The following QARS1 variants were observed in gnomAD, a reference collection of about 807,000 sequenced individuals.
The protein encoded by QARS1 is glutamine--tRNA ligase.
Under a neutral mutation model 106.9 loss-of-function variants are expected in QARS1, and 79 were observed. The ratio of observed to expected loss-of-function variants is 0.74; its 90% CI spans 0.62 to 0.89. QARS1 has a LOEUF of 0.89. Among genes scored for constraint, QARS1 ranks in the 40% least tolerant of loss-of-function variants. QARS1 has a pLI of 0.00. For missense variants in QARS1, 966 were observed against 997.2 expected, an observed-to-expected ratio of 0.97 and a Z score of 0.42; for synonymous variants, 395 against 367.7, an observed-to-expected ratio of 1.07 and a Z score of -0.85.
Position 49,099,098 on chromosome 3 carries a change from A to G in QARS1, c.1758+12T>C, listed in dbSNP as rs2042432095. 6.2e-7 allele frequency: 1 copy of G among 1,614,012 alleles called. No homozygotes were observed. The highest frequency in any genetic ancestry group is 1.3e-5 in the African/African-American group (1 of 74,904). ...ACACACACATGTGACACACATGTTG[A>G]GGCAGGCCCACCTTGGCAGCAGGAA... On this transcript the variant is annotated intron_variant, in intron 18 of 23. Transcript: ENST00000306125.
In QARS1 at chr3:49,100,626, T is replaced by C. The variant is rs1483886839; in HGVS notation, c.925A>G (p.Lys309Glu). The C allele has an allele frequency of 1.9e-6, 3 of 1,611,960 alleles. No individual in the cohort carries two copies. Among genetic ancestry groups the C allele is most frequent in the Admixed American group, 1.7e-5 (1 of 60,026 alleles). ...FLRFDDTNPE[K>E]EEAKFFTAIC... ...GCCGTGAAGAACTTTGCTTCCTCCT[T>C]CTCAGGGTTGGTGTCATCAAAACGC... The change falls in exon 11 of 24, where the codon AAG becomes GAG. Residue 309 changes from lysine to glutamate, a missense_variant. Lys to Glu is a moderately conservative substitution (Grantham distance 56). Transcript: ENST00000306125.
rs745656571 is a variant in QARS1 at position 49,101,475 on chromosome 3, G to A, written c.790-34C>T. ...AGGGGGATGGGAAAAGAGAAATAAA[G>A]TCTGAGCTCAGATGACCTTAAAGAA... On this transcript the variant is annotated intron_variant, in intron 9 of 23. Transcript: ENST00000306125. 2.5e-6 allele frequency: 4 copies of A among 1,593,676 alleles called. No individual in the cohort carries two copies. The Admixed American group carries it at 5.0e-5, about 20-fold the overall frequency.
Position 49,104,602 on chromosome 3 carries a change from C to G in QARS1, c.117+15G>C. 1.3e-6 allele frequency: 2 copies of G among 1,598,324 alleles called. No homozygotes were observed. The highest frequency in any genetic ancestry group is 1.7e-6 in the Non-Finnish European group (2 of 1,168,354). On this transcript the variant is annotated intron_variant, in intron 1 of 23. Transcript: ENST00000306125. Reference sequence around the variant, plus strand: ...CATGGTCTGCAAACCAGGCCGGGGGCAGAGGGGCTCGCACCTGAGTAGCGG... The same window carrying G: ...CATGGTCTGCAAACCAGGCCGGGGGGAGAGGGGCTCGCACCTGAGTAGCGG...
chr3:49,098,879 A>G lies in QARS1; in HGVS notation c.1863+6T>C. On this transcript the variant is annotated splice_donor_region_variant and intron_variant, in intron 19 of 23. Coordinates refer to ENST00000306125, the MANE Select transcript of QARS1 (RefSeq NM_005051.3). ...GCAAACGGGACCCTCCACCCCCACA[A>G]TTTACCTCCTTGAAGTCAGTCCTCT... 6.2e-7 allele frequency: 1 copy of G among 1,607,908 alleles called. No individual in the cohort carries two copies. The highest frequency in any genetic ancestry group is 8.5e-7 in the Non-Finnish European group (1 of 1,174,440).
Position 49,101,609 on chromosome 3 carries a change from T to C in QARS1, c.789+11A>G, listed in dbSNP as rs373946915. The C allele has an allele frequency of 3.2e-5, 52 of 1,613,144 alleles. No homozygotes were observed. Among genetic ancestry groups the C allele is most frequent in the Non-Finnish European group, 4.1e-5 (48 of 1,179,864 alleles). On this transcript the variant is annotated intron_variant, in intron 9 of 23. Transcript: ENST00000306125. The stretch of plus-strand genomic sequence containing the variant: ...GATGGCACAAGCTCACATGGCCACA[T>C]CCCCACACACCTGCCCACCAGTAAT...
chr3:49,103,568 C>G, intron 4 of QARS1, 63 bp downstream of exon 4: 1 of 1,579,660 alleles, frequency 6.3e-7, no homozygotes, highest in South Asian at 1.1e-5. Context: ...CCTTCTCACT[C>G]GTGCCCAGAA....
At chr3:49,104,238 C>A (rs1298402289) in intron 2 of QARS1, 86 bp downstream of exon 2, 1 of 1,559,820 alleles carries the variant, frequency 6.4e-7, no homozygotes, top group African/African-American at 1.4e-5. Context: ...TAGAAAGAAA[C>A]TGGAGGACTT....
Position 49,100,612 on chromosome 3 carries a change from C to T in QARS1, c.939G>A (p.Lys313=), listed in dbSNP as rs765145509. ...CCATGTCACAGATGGCCGTGAAGAA[C>T]TTTGCTTCCTCCTTCTCAGGGTTGG... is the stretch of plus-strand genomic sequence containing the variant. ...DDTNPEKEEA[K]FFTAICDMVA... The change falls in exon 11 of 24, where the codon AAG becomes AAA. Residue 313 remains lysine, a synonymous_variant. Coordinates refer to ENST00000306125, the MANE Select transcript of QARS1 (RefSeq NM_005051.3). The T allele has an allele frequency of 3.7e-6, 6 of 1,611,076 alleles. No individual in the cohort carries two copies. The highest frequency in any genetic ancestry group is 5.1e-6 in the Non-Finnish European group (6 of 1,177,188).
chr3:49,103,217 C>G, intron 5 of QARS1, 128 bp downstream of exon 5: 1 of 987,996 alleles, frequency 1.0e-6, no homozygotes. Flanking sequence ...CTCAGCCTCC[C>G]AAAGTGCTGG....
At chr3:49,099,089 C>T in intron 18 of QARS1, 21 bp downstream of exon 18, 2 of 1,614,122 alleles carry the variant, frequency 1.2e-6, no homozygotes, top group Non-Finnish European at 1.7e-6. Context: ...ACATGTGACA[C>T]ACATGTTGAG....
At chr3:49,097,278 G>C (rs2107092265) in intron 23 of QARS1, 1 of 152,108 alleles carries the variant, frequency 6.6e-6, no homozygotes, top group Non-Finnish European at 1.5e-5. Flanking sequence ...GCAAGAGTAA[G>C]ACCCCGTCTC....
intron 10 of QARS1, 188 bp from the exon 11 acceptor site, chr3:49,100,862 C>CT (rs2042461573): frequency 4.4e-6 from 3 of 688,784 alleles, no homozygotes; most frequent in Non-Finnish European, 7.9e-6. Flanking sequence ...CCTGCCTCAG[C>CT]TTCCCAGTAG....
In QARS1 at chr3:49,096,002, G is replaced by T; in HGVS notation, c.*27C>A. The T allele has an allele frequency of 6.2e-7, 1 of 1,611,482 alleles. No homozygotes were observed. Among genetic ancestry groups the T allele is most frequent in the South Asian group, 1.1e-5 (1 of 90,692 alleles). ...GCGAGGGTAGCCACACCCTCCAGGA[G>T]GATGAGGTAGGTTCAGTGCTTCCAG... On this transcript the variant is annotated 3_prime_UTR_variant, in exon 24 of 24. Coordinates refer to ENST00000306125, the MANE Select transcript of QARS1 (RefSeq NM_005051.3).
rs1251763840 is a variant in QARS1 at position 49,100,654 on chromosome 3, A to G, written c.897T>C (p.Phe299=). 6.2e-7 allele frequency: 1 copy of G among 1,605,202 alleles called. No homozygotes were observed. Among genetic ancestry groups the G allele is most frequent in the South Asian group, 1.1e-5 (1 of 90,910 alleles). The change falls in exon 11 of 24, where the codon TTT becomes TTC. Residue 299 remains phenylalanine (F), a synonymous_variant. Coordinates refer to ENST00000306125, the MANE Select transcript of QARS1 (RefSeq NM_005051.3). ...CAGGGTTGGTGTCATCAAAACGCAG[A>G]AAACAGATGCCATTGTTGGCCTAGG... ...GYAKANNGIC[F]LRFDDTNPEK... is the part of the protein sequence containing the mutation.
rs752433664 is a variant in QARS1 at position 49,100,687 on chromosome 3, C to T, written c.877-13G>A. On this transcript the variant is annotated splice_polypyrimidine_tract_variant and intron_variant, in intron 10 of 23. Transcript: ENST00000306125. Reference sequence around the variant, plus strand: ...TGCCATTGTTGGCCTAGGAAAGTTGCACCATCTGTGAACTCCCACATCATC... The same window carrying T: ...TGCCATTGTTGGCCTAGGAAAGTTGTACCATCTGTGAACTCCCACATCATC... The T allele has an allele frequency of 3.9e-6, 6 of 1,553,514 alleles. No homozygotes were observed. In the African/African-American group the frequency reaches 4.1e-5, roughly 11 times the overall value.
chr3:49,100,579 C>T lies in QARS1; in HGVS notation c.972G>A (p.Trp324Ter). 1.2e-6 allele frequency: 2 copies of T among 1,603,704 alleles called. No homozygotes were observed. The highest frequency in any genetic ancestry group is 3.3e-5 in the Admixed American group (2 of 60,014). The change falls in exon 11 of 24, where the codon TGG becomes TGA. Residue 324 changes from tryptophan (W) to a stop codon, truncating the protein, a stop_gained. Transcript: ENST00000306125. LOFTEE classifies it high-confidence loss of function. Reference sequence around the variant, plus strand: ...TAGGCTTTGCCTAGTCCATACCTAGCCAGGCTACCATGTCACAGATGGCCG... The same window carrying T: ...TAGGCTTTGCCTAGTCCATACCTAGTCAGGCTACCATGTCACAGATGGCCG... ...FFTAICDMVA[W>*]LGYTPYKVTY...
intron 5 of QARS1, among the ~76,000 whole-genome samples, chr3:49,103,011 G>C (rs534580567): frequency 2.6e-4 from 40 of 151,878 alleles, no homozygotes; most frequent in Middle Eastern, 6.8e-3. Flanking sequence ...AGGATGGAGT[G>C]CAGTGGTGCA....
At position 49,098,364 on chromosome 3, in the gene QARS1, G is replaced by A. The variant is rs138588649; in HGVS notation, c.2073C>T (p.Leu691=). 10 of 1,614,084 alleles carry A rather than the reference G, an allele frequency of 6.2e-6. No individual in the cohort carries two copies. The African/African-American group carries it at 1.1e-4, about 17-fold the overall frequency. The change falls in exon 21 of 24, where the codon CTC becomes CTT. Residue 691 remains leucine, a synonymous_variant. Coordinates refer to ENST00000306125, the MANE Select transcript of QARS1 (RefSeq NM_005051.3). ...CTCTGTTCACTCACAGTCGCTCATA[G>A]AGGCGAACCTCACACATCAAAGGCT... is the stretch of plus-strand genomic sequence containing the variant. ...VSQPLMCEVR[L]YERLFQHKNP...
At chr3:49,101,574 G>A (rs2042471412) in intron 9 of QARS1, 46 bp downstream of exon 9, 7 of 1,605,802 alleles carry the variant, frequency 4.4e-6, no homozygotes, top group Non-Finnish European at 6.0e-6. Context: ...AGGCACTCAG[G>A]CAGGTGTTTG....
Sources: gnomAD v4.1 joint callset for allele counts (sites outside exome capture counted in the v4.1 genomes callset) on GRCh38, gnomAD v4.1.1 for gene constraint, MANE v1.5 for transcripts, NCBI Gene and HGNC (gene_info 2026-07-23, HGNC 2026-07-21) for gene names.